The following DACT2 variants were observed in gnomAD, a reference collection of about 807,000 sequenced individuals.
DACT2 encodes dapper homolog 2.
A neutral mutation model predicts 22.2 loss-of-function variants in DACT2; 20 were observed. That is an observed-to-expected ratio of 0.90 (90% CI 0.63 to 1.31). The LOEUF (loss-of-function observed/expected upper bound fraction) is 1.31, where lower values mean the gene tolerates loss of function less well. DACT2 is among the 50% of genes most tolerant of loss of function. DACT2 has a pLI of 0.00. For synonymous variants in DACT2, 463 were observed against 479.8 expected (o/e 0.96, Z 0.46); for missense variants, 1,048 against 1,061.4 (o/e 0.99, Z 0.18).
chr6:168,309,133 C>T (rs1456894029), intron 3 of DACT2, 35 bp from the exon 4 acceptor site: 9 of 1,478,120 alleles, frequency 6.1e-6, no homozygotes, highest in African/African-American at 1.4e-5. Flanking sequence ...CACGTAACTA[C>T]GGAGACGATT....
rs776316251 is a variant in DACT2 at position 168,311,596 on chromosome 6, A to ACACAC, written c.247-313_247-312insGTGTG. Among the ~76,000 whole-genome samples, 51 of 130,884 alleles carry ACACAC rather than the reference A, an allele frequency of 3.9e-4. 2 individuals carry two copies. The highest frequency in any genetic ancestry group is 2.2e-3 in the East Asian group (9 of 4,112). 85.9% of individuals were successfully genotyped at this position (130,884 alleles called of 152,430 possible). A position where few individuals can be genotyped will look rare whatever the true frequency, so the allele number is the denominator to read the frequency against. On this transcript the variant is annotated intron_variant, in intron 1 of 3. Transcript: ENST00000366795. ...CACACACACCCATCCACACACACAC[A>ACACAC]TACACACACACTCACACAAACACAC...
rs1292847013 is a variant in DACT2 at position 168,307,952 on chromosome 6, G to A, written c.1805C>T (p.Ala602Val). 3 of 1,550,068 alleles carry A rather than the reference G, an allele frequency of 1.9e-6. No homozygotes were observed. In the Admixed American group the frequency reaches 5.9e-5, roughly 30 times the overall value. The change falls in exon 4 of 4, where the codon GCC (alanine) becomes GTC (valine). Residue 602 changes from alanine (A) to valine (V), a missense_variant. By Grantham distance (64) the Ala-to-Val change is moderately conservative. Transcript: ENST00000366795. The surrounding 1 kb of genome is among the most constrained non-coding windows in gnomAD (Gnocchi z 5.3). Reference sequence around the variant, plus strand: ...CTGCCAGCGGCGATGCTTCCTCCTGGCCACTGAGGTGAGCAGTGACGCCTC... The same window carrying A: ...CTGCCAGCGGCGATGCTTCCTCCTGACCACTGAGGTGAGCAGTGACGCCTC... ...PFEASLLTSV[A>V]RRKHRRWQST...
downstream of DACT2, among the ~76,000 whole-genome samples, chr6:168,305,527 C>A (rs1779186703): frequency 1.3e-5 from 2 of 152,180 alleles, no homozygotes; most frequent in Admixed American, 6.5e-5. Context: ...CTGGAGAGTG[C>A]ACTCAAGCTC....
At chr6:168,309,379 G>GC (rs1562496894) in intron 3 of DACT2, among the ~76,000 whole-genome samples, 1 of 152,210 alleles carries the variant, frequency 6.6e-6, no homozygotes, top group East Asian at 1.9e-4. Flanking sequence ...ACACAGGCGT[G>GC]GGGCCCGTCT....
intron 3 of DACT2, among the ~76,000 whole-genome samples, chr6:168,300,793 T>C (rs1056561798): frequency 1.3e-5 from 2 of 152,124 alleles, no homozygotes; most frequent in Non-Finnish European, 2.9e-5. Flanking sequence ...GGGACCATCC[T>C]GGCCAACATG....
downstream of DACT2, among the ~76,000 whole-genome samples, chr6:168,304,900 A>AC (rs1466726223): frequency 6.6e-6 from 1 of 151,974 alleles, no homozygotes; most frequent in Non-Finnish European, 1.5e-5. Flanking sequence ...GGGCTAGGGA[A>AC]CCCTCCGAGG....
downstream of DACT2, among the ~76,000 whole-genome samples, chr6:168,304,927 T>A (rs1041796613): frequency 5.9e-5 from 9 of 152,106 alleles, no homozygotes; most frequent in African/African-American, 2.2e-4. Flanking sequence ...ATGGAATCTG[T>A]GAGAATTCTA....
chr6:168,299,478 T>C lies in DACT2; in HGVS notation c.659-4774A>G, dbSNP rs1031559969. 6 of 152,324 alleles carry C rather than the reference T, an allele frequency of 3.9e-5. No homozygotes were observed. The East Asian group carries it at 5.8e-4, about 15-fold the overall frequency. The allele number at this position is 152,324 out of a possible 1,614,324, so 9.4% of individuals were successfully genotyped here. On this transcript the variant is annotated intron_variant, in intron 3 of 5. Transcript: ENST00000366796. Reference sequence around the variant, plus strand: ...GAAATTTGGTTAAATAAAAAGGATATTTGACAGTGAATAAATGAATATAAA... The same window carrying C: ...GAAATTTGGTTAAATAAAAAGGATACTTGACAGTGAATAAATGAATATAAA...
intron 1 of DACT2, among the ~76,000 whole-genome samples, chr6:168,312,340 G>A (rs1048053931): frequency 6.6e-6 from 1 of 152,000 alleles, no homozygotes; most frequent in Non-Finnish European, 1.5e-5. Flanking sequence ...GGGACTGCAG[G>A]CATGCACCAT....
chr6:168,316,254 AC>A (rs1562500630), intron 1 of DACT2, among the ~76,000 whole-genome samples: 1 of 150,560 alleles, frequency 6.6e-6, no homozygotes. Flanking sequence ...TCTCGGCAGC[AC>A]CTCCCTTCCC....
At position 168,293,815 on chromosome 6, in the gene DACT2, G is replaced by C. The variant is rs982029044; in HGVS notation, c.*79C>G. 7.1e-6 allele frequency: 5 copies of C among 701,118 alleles called. No individual in the cohort carries two copies. In the African/African-American group the frequency reaches 8.7e-5, roughly 12 times the overall value. 43.4% of individuals were successfully genotyped at this position (701,118 alleles called of 1,614,324 possible). On this transcript the variant is annotated 3_prime_UTR_variant, in exon 6 of 6. Transcript: ENST00000366796. The stretch of plus-strand genomic sequence containing the variant: ...GGGGCCGATGATATCGGGAGAAGAA[G>C]CTGGGCCTGTGGCCAGGACCCGACT...
At chr6:168,296,859 A>C (rs1193525977) in intron 3 of DACT2, among the ~76,000 whole-genome samples, 1 of 152,204 alleles carries the variant, frequency 6.6e-6, no homozygotes, top group Admixed American at 6.5e-5. Flanking sequence ...ACAAATTTAT[A>C]GACAAGCCTC....
At chr6:168,313,659 A>G (rs897466273) in intron 1 of DACT2, among the ~76,000 whole-genome samples, 4 of 152,124 alleles carry the variant, frequency 2.6e-5, no homozygotes, top group Admixed American at 2.6e-4. Flanking sequence ...TACTGACAGA[A>G]AATTAAGTTC....
chr6:168,313,330 A>T (rs374983944), intron 1 of DACT2, among the ~76,000 whole-genome samples: 75 of 152,304 alleles, frequency 4.9e-4, no homozygotes, highest in African/African-American at 1.8e-3. Flanking sequence ...GGCATGAGCC[A>T]CCGCGCCCGG....
intron 3 of DACT2, among the ~76,000 whole-genome samples, chr6:168,295,800 T>TCAAGCC (rs1778998000): frequency 6.6e-6 from 1 of 152,234 alleles, no homozygotes; most frequent in African/African-American, 2.4e-5. Context: ...AGCTGCGATA[T>TCAAGCC]TTGGCTGAGA....
At chr6:168,296,835 C>A (rs971920814) in intron 3 of DACT2, among the ~76,000 whole-genome samples, 3 of 152,136 alleles carry the variant, frequency 2.0e-5, no homozygotes, top group Non-Finnish European at 4.4e-5. Flanking sequence ...CTGCACTCAG[C>A]CAAAACACCA....
rs1779300184 is a variant in DACT2 at position 168,308,636 on chromosome 6, T to C, written c.1121A>G (p.Asp374Gly). ...SPQRQGGWSTDGGGRLLVFAP... is the reference protein window; with the variant it reads ...SPQRQGGWSTGGGGRLLVFAP... ...GAAGACCAGCAGTCGCCCTCCACCG[T>C]CTGTACTCCAGCCACCCTGCCTCTG... Residue 374 changes from aspartate to glycine, a missense_variant, in exon 4 of 4, where the codon GAC becomes GGC. Asp to Gly is a moderately conservative substitution (Grantham distance 94). Coordinates refer to ENST00000366795, the MANE Select transcript of DACT2 (RefSeq NM_214462.5). The C allele has an allele frequency of 6.5e-7, 1 of 1,544,130 alleles. No individual in the cohort carries two copies.
intron 3 of DACT2, among the ~76,000 whole-genome samples, chr6:168,300,913 G>C (rs2114896158): frequency 6.6e-6 from 1 of 152,280 alleles, no homozygotes; most frequent in East Asian, 1.9e-4. Context: ...TTGAACCTGG[G>C]AGGCGGAGGT....
chr6:168,312,115 C>T (rs761608642), intron 1 of DACT2, among the ~76,000 whole-genome samples: 2 of 152,272 alleles, frequency 1.3e-5, no homozygotes, highest in African/African-American at 2.4e-5. Flanking sequence ...GGCAGAGCTA[C>T]CAGGGGAGAA....
Sources: gnomAD v4.1 joint callset for allele counts (sites outside exome capture counted in the v4.1 genomes callset) on GRCh38, gnomAD v4.1.1 for gene constraint, Gnocchi (gnomAD v3.1) non-coding constraint, MANE v1.5 for transcripts, NCBI Gene and HGNC (gene_info 2026-07-23, HGNC 2026-07-21) for gene names.